The following ANO10 variants were observed in gnomAD, a reference collection of about 807,000 sequenced individuals.
ANO10 encodes anoctamin 10.
Under a neutral mutation model 74.7 loss-of-function variants are expected in ANO10, and 77 were observed. That is an observed-to-expected ratio of 1.03 (90% confidence interval 0.86 to 1.25). ANO10 has a LOEUF of 1.25. ANO10 is among the 50% of genes most tolerant of loss of function. The pLI, the probability that ANO10 is intolerant of heterozygous loss-of-function variation, is 0.00. For synonymous variants in ANO10, 279 were observed against 284.9 expected, an observed-to-expected ratio of 0.98 and a Z score of 0.21; for missense variants, 721 against 778.1, an observed-to-expected ratio of 0.93 and a Z score of 0.87.
chr3:43,514,412 A>C (rs1475004242), intron 11 of ANO10, among the ~76,000 whole-genome samples: 1 of 152,208 alleles, frequency 6.6e-6, no homozygotes, highest in African/African-American at 2.4e-5. Flanking sequence ...TTATATCATA[A>C]AAAGGTCAAT....
intron 1 of ANO10, chr3:43,690,856 C>A (rs2149587112): frequency 1.1e-6 from 1 of 939,394 alleles, no homozygotes; most frequent in Non-Finnish European, 1.4e-6. Context: ...GCGGGCGCGC[C>A]GCCGGGCCGT....
intron 11 of ANO10, among the ~76,000 whole-genome samples, chr3:43,487,151 A>C (rs1343997015): frequency 2.7e-5 from 4 of 150,212 alleles, no homozygotes; most frequent in Admixed American, 2.0e-4. Context: ...CCAGGGATGA[A>C]GCCCACTTGA....
intron 1 of ANO10, chr3:43,652,848 C>A (rs562729579): frequency 6.6e-6 from 1 of 151,530 alleles, no homozygotes; most frequent in African/African-American, 2.4e-5. Context: ...TAAAATTTTA[C>A]AATAAATACC....
At chr3:43,455,765 A>G (rs1303841651) in intron 11 of ANO10, among the ~76,000 whole-genome samples, 1 of 152,040 alleles carries the variant, frequency 6.6e-6, no homozygotes, top group Non-Finnish European at 1.5e-5. Context: ...TCCAAACACC[A>G]TCAGTCAAAC....
chr3:43,616,931 G>GT (rs2149532319), intron 1 of ANO10, among the ~76,000 whole-genome samples: 1 of 151,884 alleles, frequency 6.6e-6, no homozygotes, highest in South Asian at 2.1e-4. Flanking sequence ...CCCTCTCTGT[G>GT]TTTTTTCATG....
chr3:43,510,810 A>G (rs1311576511), intron 11 of ANO10, among the ~76,000 whole-genome samples: 1 of 152,206 alleles, frequency 6.6e-6, no homozygotes, highest in Non-Finnish European at 1.5e-5. Context: ...TAAACCCATC[A>G]AATTTACATA....
intron 1 of ANO10, among the ~76,000 whole-genome samples, chr3:43,678,058 G>A (rs1304191347): frequency 6.6e-6 from 1 of 152,172 alleles, no homozygotes; most frequent in Non-Finnish European, 1.5e-5. Context: ...TGAAAATACT[G>A]TTAAATTCCA....
intron 1 of ANO10, among the ~76,000 whole-genome samples, chr3:43,653,926 G>GTT (rs1559386364): frequency 2.3e-5 from 2 of 85,122 alleles, no homozygotes; most frequent in Admixed American, 1.3e-4. Flanking sequence ...AGTTTGCTGG[G>GTT]GTTTTTTTTT....
intron 11 of ANO10, among the ~76,000 whole-genome samples, chr3:43,531,519 T>C (rs2078467103): frequency 6.6e-6 from 1 of 152,206 alleles, no homozygotes; most frequent in Admixed American, 6.5e-5. Flanking sequence ...TTAGGTTTCT[T>C]ATTGGTATAA....
chr3:43,481,176 T>C (rs1338041352), intron 11 of ANO10, among the ~76,000 whole-genome samples: 1 of 152,046 alleles, frequency 6.6e-6, no homozygotes, highest in African/African-American at 2.4e-5. Context: ...AAAATTTGAG[T>C]CATATACTCT....
At chr3:43,441,024 C>T (rs1291333231) in intron 11 of ANO10, among the ~76,000 whole-genome samples, 2 of 151,866 alleles carry the variant, frequency 1.3e-5, no homozygotes, top group Non-Finnish European at 1.5e-5. Context: ...CATACCAAAA[C>T]TTATGGGACA....
intron 11 of ANO10, among the ~76,000 whole-genome samples, chr3:43,452,357 T>C (rs1007742457): frequency 6.6e-6 from 1 of 152,196 alleles, no homozygotes; most frequent in Non-Finnish European, 1.5e-5. Flanking sequence ...TTATCTCCCG[T>C]AGGCAACCAC....
At chr3:43,675,823 G>A (rs1025724869) in intron 1 of ANO10, among the ~76,000 whole-genome samples, 19 of 152,130 alleles carry the variant, frequency 1.2e-4, no homozygotes, top group Admixed American at 1.1e-3. Flanking sequence ...TTTGCTGGTA[G>A]GAATATATGG....
At chr3:43,530,558 C>T (rs1035277714) in intron 11 of ANO10, among the ~76,000 whole-genome samples, 2 of 151,670 alleles carry the variant, frequency 1.3e-5, no homozygotes, top group Non-Finnish European at 2.9e-5. Flanking sequence ...TTCAGATACC[C>T]GTGGTCAACT....
At chr3:43,566,254 G>A (rs1295521010) in intron 7 of ANO10, among the ~76,000 whole-genome samples, 2 of 152,208 alleles carry the variant, frequency 1.3e-5, no homozygotes, top group East Asian at 1.9e-4. Flanking sequence ...CAGCGAGGCT[G>A]GGGGAGGGGC....
At chr3:43,373,472 GGGGT>G (rs2091690591) in intron 12 of ANO10, among the ~76,000 whole-genome samples, 1 of 152,196 alleles carries the variant, frequency 6.6e-6, no homozygotes, top group Non-Finnish European at 1.5e-5. Flanking sequence ...AGCTAACCGT[GGGGT>G]GGGTGGATGT....
intron 11 of ANO10, among the ~76,000 whole-genome samples, chr3:43,530,748 C>G (rs965453168): frequency 6.6e-6 from 1 of 152,046 alleles, no homozygotes; most frequent in Non-Finnish European, 1.5e-5. Flanking sequence ...TCTAATTTAT[C>G]AATTAAACTT....
intron 1 of ANO10, among the ~76,000 whole-genome samples, chr3:43,687,552 C>T (rs1055035225): frequency 6.6e-6 from 1 of 152,190 alleles, no homozygotes; most frequent in African/African-American, 2.4e-5. Context: ...AGTCTTTAGG[C>T]TACAACCCTG....
At chr3:43,654,712 G>A (rs1559386695) in intron 1 of ANO10, among the ~76,000 whole-genome samples, 1 of 152,186 alleles carries the variant, frequency 6.6e-6, no homozygotes, top group East Asian at 1.9e-4. Context: ...GAGAAGAGAA[G>A]TGGTCATCCT....
Sources: allele counts gnomAD v4.1 joint callset (sites outside exome capture counted in the v4.1 genomes callset), GRCh38; gene constraint gnomAD v4.1.1; transcripts MANE v1.5; gene names NCBI Gene and HGNC (gene_info 2026-07-23, HGNC 2026-07-21).